ZNF609: variants seen among roughly 807,000 people sequenced by gnomAD.
ZNF609 encodes the protein zinc finger protein 609.
In ZNF609, 11 loss-of-function variants were observed where a neutral mutation model predicts 109.5. The ratio of observed to expected loss-of-function variants is 0.10; its 90% confidence interval spans 0.06 to 0.17. The LOEUF is 0.17. Among genes scored for constraint, ZNF609 ranks in the 10% least tolerant of loss-of-function variants. The probability of loss-of-function intolerance (pLI) is 1.00; values close to 1 mark genes in which losing one functional copy is unlikely to be tolerated. For missense variants in ZNF609, 1,559 were observed against 1,772.4 expected (o/e 0.88, Z 2.16); for synonymous variants, 646 against 662.0 (o/e 0.98, Z 0.37).
intron 3 of ZNF609, among the ~76,000 whole-genome samples, chr15:64,650,380 G>C (rs1246291946): frequency 6.9e-6 from 1 of 145,006 alleles, no homozygotes; most frequent in Non-Finnish European, 1.5e-5. Context: ...TCTCACCACT[G>C]CACTCCAGCC....
At chr15:64,573,430 C>T (rs925796624) in intron 2 of ZNF609, among the ~76,000 whole-genome samples, 2 of 135,836 alleles carry the variant, frequency 1.5e-5, no homozygotes, top group Non-Finnish European at 3.1e-5. Flanking sequence ...TCTTGGCTCA[C>T]TGCAAGCTCC....
intron 2 of ZNF609, among the ~76,000 whole-genome samples, chr15:64,534,696 A>G (rs555224340): frequency 6.6e-6 from 1 of 152,182 alleles, no homozygotes; most frequent in Non-Finnish European, 1.5e-5. Context: ...AATCTCTTGT[A>G]ACCACTAACC....
intron 3 of ZNF609, among the ~76,000 whole-genome samples, chr15:64,661,285 T>C (rs1246803901): frequency 1.3e-5 from 2 of 152,188 alleles, no homozygotes; most frequent in Non-Finnish European, 2.9e-5. Flanking sequence ...TGACATATGC[T>C]TACATGTTCC....
At chr15:64,679,570 T>C (rs144721699) in intron 6 of ZNF609, among the ~76,000 whole-genome samples, 156 of 152,210 alleles carry the variant, frequency 1.0e-3, no homozygotes, top group Admixed American at 3.4e-3. Context: ...TAAATAGAAA[T>C]AAGCTTTTCA....
intron 2 of ZNF609, 84 bp from the exon 3 acceptor site, chr15:64,622,743 A>G: frequency 8.5e-7 from 1 of 1,183,210 alleles, no homozygotes. Flanking sequence ...AGGAATAGAT[A>G]TAGGACTAGA....
chr15:64,585,319 T>G (rs931103586), intron 2 of ZNF609, among the ~76,000 whole-genome samples: 6 of 151,830 alleles, frequency 4.0e-5, no homozygotes, highest in African/African-American at 1.5e-4. Flanking sequence ...AGCGAGACTC[T>G]GGGGAAAAAA....
Position 64,674,119 on chromosome 15 carries a change from C to G in ZNF609, c.1265C>G (p.Pro422Arg). Residue 422 changes from proline (P) to arginine (R), a missense_variant, in exon 5 of 10, where the codon CCT becomes CGT. Physicochemically the swap from Pro to Arg is moderately radical, Grantham distance 103. This residue lies in a region of ZNF609 where 1,204 missense variants were observed against 1,314.1 expected (regional missense o/e 0.92). Transcript: ENST00000326648. ...GSQNSSEHRP[P>R]ASSTSEDVKA... ...CAGAATTCTTCAGAGCACCGCCCAC[C>G]TGCCAGCAGCACTTCTGAGGATGTC... 1 of 1,614,262 alleles carries G rather than the reference C, an allele frequency of 6.2e-7. No individual in the cohort carries two copies. The highest frequency in any genetic ancestry group is 8.5e-7 in the Non-Finnish European group (1 of 1,180,052).
chr15:64,648,265 C>A (rs764397959), intron 3 of ZNF609, among the ~76,000 whole-genome samples: 1 of 152,134 alleles, frequency 6.6e-6, no homozygotes, highest in Non-Finnish European at 1.5e-5. Flanking sequence ...ACAGGAGGAT[C>A]GCTTGAGCCC....
At chr15:64,506,836 A>T (rs532841937) in intron 2 of ZNF609, among the ~76,000 whole-genome samples, 1 of 152,328 alleles carries the variant, frequency 6.6e-6, no homozygotes, top group South Asian at 2.1e-4. Flanking sequence ...ATACAGTTTG[A>T]GTGGAAATTG....
intron 3 of ZNF609, among the ~76,000 whole-genome samples, chr15:64,640,329 C>A (rs183606731): frequency 6.6e-6 from 1 of 152,100 alleles, no homozygotes; most frequent in Admixed American, 6.6e-5. Flanking sequence ...TGAGCCGCTG[C>A]GTCAAGACTT....
At chr15:64,578,618 G>A (rs1019243285) in intron 2 of ZNF609, among the ~76,000 whole-genome samples, 5 of 152,132 alleles carry the variant, frequency 3.3e-5, no homozygotes, top group African/African-American at 9.7e-5. Flanking sequence ...GCTTGAACCC[G>A]GGAGGTGGAG....
At chr15:64,561,312 A>G (rs1894676476) in intron 2 of ZNF609, among the ~76,000 whole-genome samples, 1 of 152,100 alleles carries the variant, frequency 6.6e-6, no homozygotes, top group Admixed American at 6.6e-5. Context: ...CTTCTAGAGA[A>G]ATCTTTGTGA....
chr15:64,675,909 C>G lies in ZNF609; in HGVS notation c.3055C>G (p.Arg1019Gly), dbSNP rs201362987. 1 of 1,614,016 alleles carries G rather than the reference C, an allele frequency of 6.2e-7. No homozygotes were observed. The highest frequency in any genetic ancestry group is 1.3e-5 in the African/African-American group (1 of 74,894). The change falls in exon 5 of 10, where the codon CGG becomes GGG. Residue 1019 changes from arginine to glycine, a missense_variant. Arg to Gly is a moderately radical substitution (Grantham distance 125). Around this residue, in one of 4 missense-constraint regions of ZNF609, gnomAD observed 1,204 missense variants for 1,314.1 expected, o/e 0.92. Coordinates refer to ENST00000326648, the MANE Select transcript of ZNF609 (RefSeq NM_015042.2). Reference protein sequence around the residue: ...QKRQSLEQQQRGVDKKAEMGL... With the variant: ...QKRQSLEQQQGGVDKKAEMGL... ...ACGCCAGAGCTTAGAGCAGCAGCAG[C>G]GGGGAGTGGACAAGAAGGCAGAGAT...
chr15:64,678,597 A>G, intron 6 of ZNF609, 115 bp downstream of exon 6: 1 of 1,440,428 alleles, frequency 6.9e-7, no homozygotes, highest in Non-Finnish European at 9.2e-7. Context: ...CGCTTAGATG[A>G]CGGACCTTTT....
intron 2 of ZNF609, among the ~76,000 whole-genome samples, chr15:64,586,577 C>G (rs1313172568): frequency 6.6e-6 from 1 of 152,074 alleles, no homozygotes; most frequent in Non-Finnish European, 1.5e-5. Context: ...TCATGCGTTC[C>G]TTATGTGAAT....
At chr15:64,479,282 T>TG (rs1218837353) in intron 1 of ZNF609, among the ~76,000 whole-genome samples, 17 of 108,122 alleles carry the variant, frequency 1.6e-4, no homozygotes, top group Non-Finnish European at 1.1e-4. Context: ...TGTACCTGTG[T>TG]GATTTTTTTT....
chr15:64,681,232 C>A, intron 8 of ZNF609, 77 bp from the exon 9 acceptor site: 1 of 1,356,588 alleles, frequency 7.4e-7, no homozygotes, highest in Non-Finnish European at 1.0e-6. Context: ...TTTCTGTCAG[C>A]ACCCCAAAAC....
chr15:64,528,650 C>T, intron 2 of ZNF609: 1 of 1,029,050 alleles, frequency 9.7e-7, no homozygotes, highest in Non-Finnish European at 1.5e-6. Context: ...TGTCGCTGGG[C>T]TGGTGGTCCA....
chr15:64,662,076 C>G (rs1896585686), intron 3 of ZNF609, among the ~76,000 whole-genome samples: 1 of 152,142 alleles, frequency 6.6e-6, no homozygotes, highest in African/African-American at 2.4e-5. Flanking sequence ...GAAAGCATAT[C>G]TGGGGCTGGA....
Sources: gnomAD v4.1 joint callset for allele counts (sites outside exome capture counted in the v4.1 genomes callset) on GRCh38, gnomAD v4.1.1 for gene constraint, gnomAD v4.1.1 regional missense constraint, MANE v1.5 for transcripts, NCBI Gene and HGNC (gene_info 2026-07-23, HGNC 2026-07-21) for gene names.